CFAP54: variants seen among roughly 807,000 people sequenced by gnomAD.
The protein encoded by CFAP54 is cilia and flagella associated protein 54, also known as cilia- and flagella-associated protein 54.
Under a neutral mutation model 370.4 loss-of-function variants are expected in CFAP54, and 290 were observed. That is an observed-to-expected ratio of 0.78 (90% CI 0.71 to 0.86). The LOEUF (loss-of-function observed/expected upper bound fraction) is 0.86, where lower values mean the gene tolerates loss of function less well. Among genes scored for constraint, CFAP54 ranks in the 40% least tolerant of loss-of-function variants. The probability of loss-of-function intolerance (pLI) is 0.00; values close to 1 mark genes in which losing one functional copy is unlikely to be tolerated. For synonymous variants in CFAP54, 1,206 were observed against 1,236.5 expected (o/e 0.98, Z 0.52); for missense variants, 3,399 against 3,528.7 (o/e 0.96, Z 0.93).
rs535099659 is a variant in CFAP54 at position 96,756,444 on chromosome 12, T to C, written c.7841-14T>C. On this transcript the variant is annotated splice_polypyrimidine_tract_variant and intron_variant, in intron 56 of 67. Transcript: ENST00000524981. ...AAAAGGAAAAACCATCTTTGTATCT[T>C]TTTCTTCTTTCAGGCAAAATAGAAC... 2.3e-4 allele frequency: 350 copies of C among 1,502,492 alleles called. No homozygotes were observed. Among genetic ancestry groups the C allele is most frequent in the Non-Finnish European group, 3.1e-4 (341 of 1,101,676 alleles). 93.1% of individuals were successfully genotyped at this position (1,502,492 alleles called of 1,614,324 possible).
chr12:96,582,558 T>C (rs1414362529), intron 22 of CFAP54, among the ~76,000 whole-genome samples: 1 of 152,186 alleles, frequency 6.6e-6, no homozygotes, highest in Non-Finnish European at 1.5e-5. Flanking sequence ...CATGGTTTTC[T>C]GATGTTTTGG....
intron 26 of CFAP54, among the ~76,000 whole-genome samples, chr12:96,606,049 G>GA (rs1215332580): frequency 6.8e-5 from 1 of 14,792 alleles, no homozygotes; most frequent in Admixed American, 7.6e-4. Flanking sequence ...GTGATTTAGT[G>GA]GGGGGGTGAC....
At chr12:96,557,876 A>G (rs948485599) in intron 17 of CFAP54, among the ~76,000 whole-genome samples, 10 of 152,134 alleles carry the variant, frequency 6.6e-5, no homozygotes, top group Middle Eastern at 3.2e-3. Context: ...TCATATAAGG[A>G]AAACTATAGT....
At chr12:96,532,731 C>T (rs909134159) in intron 9 of CFAP54, among the ~76,000 whole-genome samples, 1 of 152,118 alleles carries the variant, frequency 6.6e-6, no homozygotes, top group African/African-American at 2.4e-5. Context: ...AGTGATCCTC[C>T]TACCTCAGCC....
intron 39 of CFAP54, among the ~76,000 whole-genome samples, chr12:96,674,712 G>T (rs1957184804): frequency 6.6e-6 from 1 of 152,168 alleles, no homozygotes; most frequent in Admixed American, 6.5e-5. Context: ...GACTGTTCTT[G>T]TTATAAATAA....
At position 96,870,351 on chromosome 12, in the gene CFAP54, C is replaced by G. The variant is rs571681965; in HGVS notation, c.*15-4767C>G. On this transcript the variant is annotated intron_variant, in intron 67 of 67. Coordinates refer to ENST00000524981, the MANE Select transcript of CFAP54 (RefSeq NM_001306084.2). ...TCTCTACTACAAGCTTAAGTCTCCTCTAAGTTGTTTCCATCAAGGAACAAC... is the reference window on the plus strand; with the variant it reads ...TCTCTACTACAAGCTTAAGTCTCCTGTAAGTTGTTTCCATCAAGGAACAAC... Among the ~76,000 whole-genome samples, 8 of 152,286 alleles carry G rather than the reference C, an allele frequency of 5.3e-5. No homozygotes were observed. In the South Asian group the frequency reaches 1.7e-3, roughly 32 times the overall value.
chr12:96,508,814 G>A (rs920108324), intron 4 of CFAP54, among the ~76,000 whole-genome samples: 4 of 151,558 alleles, frequency 2.6e-5, no homozygotes, highest in African/African-American at 9.7e-5. Flanking sequence ...TTATATTGCA[G>A]ATATCCATAC....
At chr12:96,866,998 T>A (rs534983768) in intron 67 of CFAP54, among the ~76,000 whole-genome samples, 11 of 152,152 alleles carry the variant, frequency 7.2e-5, no homozygotes, top group African/African-American at 2.6e-4. Context: ...CCTGCTGGGG[T>A]TTGGATGAAA....
At chr12:96,503,001 CT>C (rs1375722145) in intron 2 of CFAP54, among the ~76,000 whole-genome samples, 2 of 151,768 alleles carry the variant, frequency 1.3e-5, no homozygotes, top group East Asian at 3.9e-4. Flanking sequence ...TTCTTCCTCT[CT>C]TCCTTCCTCT....
At chr12:96,634,037 A>G (rs1197543560) in intron 32 of CFAP54, among the ~76,000 whole-genome samples, 1 of 119,996 alleles carries the variant, frequency 8.3e-6, no homozygotes, top group African/African-American at 2.7e-5. Flanking sequence ...GGCTAATGAT[A>G]GCGAACATCT....
At chr12:96,558,423 TAAAC>T (rs1401181481) in intron 17 of CFAP54, among the ~76,000 whole-genome samples, 2 of 152,168 alleles carry the variant, frequency 1.3e-5, no homozygotes, top group Admixed American at 6.5e-5. Context: ...TTAGAACTGA[TAAAC>T]AAATTAAGTA....
intron 17 of CFAP54, among the ~76,000 whole-genome samples, chr12:96,559,649 A>G (rs1461035786): frequency 6.6e-6 from 1 of 152,102 alleles, no homozygotes; most frequent in Non-Finnish European, 1.5e-5. Context: ...TATCAATATC[A>G]TATTATGTAT....
intron 22 of CFAP54, among the ~76,000 whole-genome samples, chr12:96,582,382 G>A (rs1022947141): frequency 6.6e-6 from 1 of 151,998 alleles, no homozygotes; most frequent in African/African-American, 2.4e-5. Flanking sequence ...AGAGCTGATG[G>A]CTTTTCTAAA....
chr12:96,617,741 C>T (rs1956436401), intron 26 of CFAP54, among the ~76,000 whole-genome samples: 1 of 152,122 alleles, frequency 6.6e-6, no homozygotes, highest in South Asian at 2.1e-4. Context: ...CCTGTAATCC[C>T]AGCACTTTGG....
chr12:96,612,673 C>G (rs1956371863), intron 26 of CFAP54, among the ~76,000 whole-genome samples: 1 of 151,950 alleles, frequency 6.6e-6, no homozygotes, highest in Non-Finnish European at 1.5e-5. Flanking sequence ...CACATAGGCT[C>G]AAAATGAAGG....
At chr12:96,607,659 C>T (rs984284183) in intron 26 of CFAP54, among the ~76,000 whole-genome samples, 2 of 152,086 alleles carry the variant, frequency 1.3e-5, no homozygotes, top group Non-Finnish European at 2.9e-5. Context: ...GAGTCCCAGG[C>T]AGGATTAATA....
chr12:96,501,535 G>C (rs545880575), intron 2 of CFAP54, among the ~76,000 whole-genome samples: 1 of 152,272 alleles, frequency 6.6e-6, no homozygotes, highest in East Asian at 1.9e-4. Context: ...TGGACCGGTG[G>C]ACTTGGTTTG....
chr12:96,608,321 A>G (rs940045452), intron 26 of CFAP54, among the ~76,000 whole-genome samples: 160 of 151,998 alleles, frequency 1.1e-3, no homozygotes, highest in Non-Finnish European at 1.5e-3. Flanking sequence ...ACACACACAC[A>G]CACACACACA....
chr12:96,644,420 T>A lies in CFAP54; in HGVS notation c.4547+12T>A. ...CATATGATGGTCAGGTATAGTATAT[T>A]ACTGATGAAAAATACTTTTTTAGTT... On this transcript the variant is annotated intron_variant, in intron 33 of 67. Coordinates refer to ENST00000524981, the MANE Select transcript of CFAP54 (RefSeq NM_001306084.2). 3 of 1,477,948 alleles carry A rather than the reference T, an allele frequency of 2.0e-6. No individual in the cohort carries two copies. Among genetic ancestry groups the A allele is most frequent in the Non-Finnish European group, 2.7e-6 (3 of 1,095,316 alleles). 91.6% of individuals were successfully genotyped at this position (1,477,948 alleles called of 1,614,324 possible). A position where few individuals can be genotyped will look rare whatever the true frequency, so the allele number is the denominator to read the frequency against.
Sources: allele counts gnomAD v4.1 joint callset (sites outside exome capture counted in the v4.1 genomes callset), GRCh38; gene constraint gnomAD v4.1.1; transcripts MANE v1.5; gene names NCBI Gene and HGNC (gene_info 2026-07-23, HGNC 2026-07-21).